The following AGBL1 variants were observed in gnomAD, a reference collection of about 807,000 sequenced individuals.
The protein encoded by AGBL1 is cytosolic carboxypeptidase 4.
In AGBL1, 130 loss-of-function variants were observed where a neutral mutation model predicts 118.9. The observed-to-expected ratio is 1.09, with a 90% CI of 0.95 to 1.26. AGBL1 has a LOEUF of 1.26. AGBL1 is among the 50% of genes most tolerant of loss of function. AGBL1 has a pLI of 0.00. For missense variants in AGBL1, 1,584 were observed against 1,298.1 expected (o/e 1.22, Z -3.38); for synonymous variants, 555 against 478.9 (o/e 1.16, Z -2.08).
intron 5 of AGBL1, among the ~76,000 whole-genome samples, chr15:86,204,834 C>T (rs978671920): frequency 6.6e-6 from 1 of 152,188 alleles, no homozygotes; most frequent in Non-Finnish European, 1.5e-5. Context: ...AGGTGATCCA[C>T]CTGCCTTGGC....
At chr15:86,086,767 G>T (rs1895685245) in intron 1 of AGBL1, among the ~76,000 whole-genome samples, 2 of 152,074 alleles carry the variant, frequency 1.3e-5, no homozygotes, top group Non-Finnish European at 2.9e-5. Context: ...GCTTAACTTT[G>T]TGCGATTCCT....
chr15:86,205,497 TA>T (rs201616350), intron 5 of AGBL1, among the ~76,000 whole-genome samples: 8,642 of 152,248 alleles, frequency 0.057, 350 homozygotes, highest in South Asian at 0.12. Context: ...GATTGTATAA[TA>T]AAAGTTTGTT....
intron 22 of AGBL1, among the ~76,000 whole-genome samples, chr15:86,786,140 T>C (rs1241784106): frequency 6.6e-6 from 1 of 152,104 alleles, no homozygotes; most frequent in African/African-American, 2.4e-5. Flanking sequence ...AGTTTTAGGG[T>C]ACATGTGCAC....
intron 22 of AGBL1, among the ~76,000 whole-genome samples, chr15:86,775,437 C>G (rs576233980): frequency 1.3e-5 from 2 of 152,242 alleles, no homozygotes; most frequent in South Asian, 4.1e-4. Context: ...AAAAAGGAAA[C>G]TGCTCAAATT....
At chr15:86,147,491 C>T (rs1044109814) in intron 3 of AGBL1, among the ~76,000 whole-genome samples, 4 of 152,226 alleles carry the variant, frequency 2.6e-5, no homozygotes, top group African/African-American at 7.2e-5. Flanking sequence ...CCCACACCCA[C>T]GGAGCCTTGC....
chr15:86,496,960 A>G (rs1208711065), intron 18 of AGBL1, among the ~76,000 whole-genome samples: 1 of 152,012 alleles, frequency 6.6e-6, no homozygotes, highest in Non-Finnish European at 1.5e-5. Context: ...TTTGATATAC[A>G]TATACAGTGT....
chr15:86,923,265 TCAGTTGTC>T (rs1215213156), intron 23 of AGBL1, among the ~76,000 whole-genome samples: 1 of 152,198 alleles, frequency 6.6e-6, no homozygotes, highest in African/African-American at 2.4e-5. Flanking sequence ...ACTGTCTCCT[TCAGTTGTC>T]CATATGATGT....
chr15:86,689,079 A>T (rs2086114724), intron 22 of AGBL1, among the ~76,000 whole-genome samples: 1 of 152,150 alleles, frequency 6.6e-6, no homozygotes, highest in African/African-American at 2.4e-5. Flanking sequence ...TGGATCAAAG[A>T]AAGCAGAATT....
intron 5 of AGBL1, 88 bp downstream of exon 5, chr15:86,159,114 G>C (rs2077232273): frequency 8.0e-7 from 1 of 1,252,632 alleles, no homozygotes. Context: ...GATGCTTCCA[G>C]CTCAGTTTAG....
chr15:86,259,914 T>C (rs2078955481), intron 9 of AGBL1, among the ~76,000 whole-genome samples: 1 of 151,964 alleles, frequency 6.6e-6, no homozygotes, highest in Admixed American at 6.6e-5. Context: ...GGAGGGAGGG[T>C]GTTCAGATAG....
chr15:86,720,401 T>C (rs2086699892), intron 22 of AGBL1, among the ~76,000 whole-genome samples: 1 of 152,226 alleles, frequency 6.6e-6, no homozygotes, highest in South Asian at 2.1e-4. Flanking sequence ...AATAACCAAC[T>C]TATTTTTGTT....
chr15:86,456,994 G>C (rs991140083), intron 18 of AGBL1, among the ~76,000 whole-genome samples: 5 of 152,034 alleles, frequency 3.3e-5, no homozygotes, highest in Non-Finnish European at 7.4e-5. Context: ...TATATATGTA[G>C]AGAAAGAACA....
chr15:86,390,903 C>G (rs906789067), intron 17 of AGBL1, among the ~76,000 whole-genome samples: 1 of 151,684 alleles, frequency 6.6e-6, no homozygotes, highest in Non-Finnish European at 1.5e-5. Context: ...ATCCTGACCT[C>G]AGGTGATCTG....
At chr15:86,475,700 T>A (rs1860080955) in intron 18 of AGBL1, among the ~76,000 whole-genome samples, 1 of 152,082 alleles carries the variant, frequency 6.6e-6, no homozygotes, top group South Asian at 2.1e-4. Context: ...CAGGCCAACA[T>A]TCAAATTCAG....
At chr15:87,019,436 T>G (rs2081640248) in intron 24 of AGBL1, among the ~76,000 whole-genome samples, 1 of 152,080 alleles carries the variant, frequency 6.6e-6, no homozygotes, top group Non-Finnish European at 1.5e-5. Flanking sequence ...TAGACCACAG[T>G]GCAATCAAAT....
intron 22 of AGBL1, among the ~76,000 whole-genome samples, chr15:86,707,808 T>A (rs1245737654): frequency 6.6e-6 from 1 of 152,162 alleles, no homozygotes; most frequent in Non-Finnish European, 1.5e-5. Flanking sequence ...AAGTAGAAGC[T>A]GAACTTCCTT....
At chr15:86,674,220 C>T (rs879620486) in intron 21 of AGBL1, 53 bp from the exon 22 acceptor site, 37 of 1,517,618 alleles carry the variant, frequency 2.4e-5, no homozygotes, top group Non-Finnish European at 3.3e-5. Context: ...CAAAGTGTCA[C>T]CACTCAGCTC....
At chr15:86,221,427 C>G (rs114184252) in intron 5 of AGBL1, among the ~76,000 whole-genome samples, 92 of 152,266 alleles carry the variant, frequency 6.0e-4, no homozygotes, top group African/African-American at 1.8e-3. Context: ...TAAGCTTTTG[C>G]TTTTTGTGGG....
chr15:86,828,240 G>C (rs2079058928), intron 22 of AGBL1, among the ~76,000 whole-genome samples: 1 of 151,908 alleles, frequency 6.6e-6, no homozygotes, highest in South Asian at 2.1e-4. Flanking sequence ...ACTGTGCTCA[G>C]CCTGTCGTAC....
Sources: gnomAD v4.1 joint callset for allele counts (sites outside exome capture counted in the v4.1 genomes callset) on GRCh38, gnomAD v4.1.1 for gene constraint, MANE v1.5 for transcripts, NCBI Gene and HGNC (gene_info 2026-07-23, HGNC 2026-07-21) for gene names.